SEPTIN14: variants seen among roughly 807,000 people sequenced by gnomAD.
SEPTIN14 encodes septin 14.
Under a neutral mutation model 53.6 loss-of-function variants are expected in SEPTIN14, and 40 were observed. The ratio of observed to expected loss-of-function variants is 0.75; its 90% CI spans 0.58 to 0.97. The LOEUF (loss-of-function observed/expected upper bound fraction) is 0.97, where lower values mean the gene tolerates loss of function less well. Ranked by LOEUF, SEPTIN14 falls within the 50% of genes least tolerant of loss-of-function variation. The pLI is 0.00. For missense variants in SEPTIN14, 471 were observed against 508.2 expected, an observed-to-expected ratio of 0.93 and a Z score of 0.70; for synonymous variants, 138 against 166.8, an observed-to-expected ratio of 0.83 and a Z score of 1.33.
At chr7:55,858,660 C>T (rs1465885539) in intron 2 of SEPTIN14, among the ~76,000 whole-genome samples, 1 of 152,130 alleles carries the variant, frequency 6.6e-6, no homozygotes, top group African/African-American at 2.4e-5. Context: ...CAAAATTAGT[C>T]GGGCGTGGTG....
At chr7:55,830,340 TA>T (rs1238044880) in intron 6 of SEPTIN14, among the ~76,000 whole-genome samples, 520 of 37,592 alleles carry the variant, frequency 0.014, 14 homozygotes, top group East Asian at 0.027. Flanking sequence ...TATATATATA[TA>T]TATATATATT....
intron 2 of SEPTIN14, among the ~76,000 whole-genome samples, chr7:55,848,318 T>C (rs963405577): frequency 6.6e-6 from 1 of 152,020 alleles, no homozygotes; most frequent in Non-Finnish European, 1.5e-5. Flanking sequence ...TGCGCCACCA[T>C]GCCCAGCCAA....
At chr7:55,820,665 C>T (rs1353517933) in intron 6 of SEPTIN14, among the ~76,000 whole-genome samples, 2 of 152,124 alleles carry the variant, frequency 1.3e-5, no homozygotes, top group Non-Finnish European at 2.9e-5. Flanking sequence ...TTCGGCTGGG[C>T]ATGGTGGCTC....
intron 2 of SEPTIN14, among the ~76,000 whole-genome samples, chr7:55,857,810 A>T (rs1167380778): frequency 1.1e-4 from 16 of 150,594 alleles, no homozygotes; most frequent in Non-Finnish European, 2.2e-4. Context: ...GATGGTCTCG[A>T]TCTCCTGACC....
chr7:55,862,725 G>C lies in SEPTIN14; in HGVS notation c.-53C>G, dbSNP rs545364815. ...TCAGCTGTGCAGCAGACACAGGTCC[G>C]AACTGATTCCAAGCTGGTGTCCTTT... On this transcript the variant is annotated 5_prime_UTR_variant, in exon 1 of 10. Transcript: ENST00000388975. 1 of 152,158 alleles carries C rather than the reference G, an allele frequency of 6.6e-6. No individual in the cohort carries two copies. Among genetic ancestry groups the C allele is most frequent in the African/African-American group, 2.4e-5 (1 of 41,434 alleles). 9.4% of individuals were successfully genotyped at this position (152,158 alleles called of 1,614,324 possible).
chr7:55,826,171 TG>T, intron 6 of SEPTIN14, among the ~76,000 whole-genome samples: 1 of 152,208 alleles, frequency 6.6e-6, no homozygotes, highest in African/African-American at 2.4e-5. Context: ...CTTTGCTTTT[TG>T]GGGGGTGAGA....
chr7:55,806,987 G>A, intron 8 of SEPTIN14, 103 bp downstream of exon 8: 1 of 833,474 alleles, frequency 1.2e-6, no homozygotes, highest in Non-Finnish European at 1.8e-6. Context: ...GATGGCTCAA[G>A]ATGGGAGAAG....
intron 2 of SEPTIN14, chr7:55,851,015 T>A (rs138306879): frequency 2.0e-5 from 3 of 152,044 alleles, no homozygotes; most frequent in African/African-American, 7.2e-5. Flanking sequence ...AGGCAGAAGT[T>A]GCAGTAAGCC....
At position 55,796,108 on chromosome 7, in the gene SEPTIN14, G is replaced by A. The variant is rs759800195; in HGVS notation, c.1120-16C>T. 8.2e-6 allele frequency: 12 copies of A among 1,464,856 alleles called. No homozygotes were observed. The South Asian group carries it at 1.4e-4, about 17-fold the overall frequency. The allele number at this position is 1,464,856 out of a possible 1,614,324, so 90.7% of individuals were successfully genotyped here. On this transcript the variant is annotated splice_polypyrimidine_tract_variant and intron_variant, in intron 9 of 9. Coordinates refer to ENST00000388975, the MANE Select transcript of SEPTIN14 (RefSeq NM_207366.3). Reference sequence around the variant, plus strand: ...TGTCCTGCAGCTGTGAAACCAATGTGCAGTTGTGACACCAAAGCACAGTGT... The same window carrying A: ...TGTCCTGCAGCTGTGAAACCAATGTACAGTTGTGACACCAAAGCACAGTGT...
chr7:55,854,964 TA>T (rs1789588617), intron 2 of SEPTIN14, among the ~76,000 whole-genome samples: 1 of 151,356 alleles, frequency 6.6e-6, no homozygotes, highest in African/African-American at 2.4e-5. Context: ...ACATCACTAC[TA>T]ATACTATAGG....
chr7:55,799,120 G>A lies in SEPTIN14; in HGVS notation c.1120-3028C>T, dbSNP rs188187889. On this transcript the variant is annotated intron_variant, in intron 9 of 9. Coordinates refer to ENST00000388975, the MANE Select transcript of SEPTIN14 (RefSeq NM_207366.3). ...CCCACTAATCACAAGACACAAAGTA[G>A]CAGAATGAATAAAGAAACAATTCTC... Among the ~76,000 whole-genome samples the A allele has an allele frequency of 9.7e-4, 147 of 152,188 alleles. 1 individual carries two copies. Among genetic ancestry groups the A allele is most frequent in the African/African-American group, 3.3e-3 (138 of 41,528 alleles).
chr7:55,849,398 T>G (rs1222406495), intron 2 of SEPTIN14, among the ~76,000 whole-genome samples: 1 of 151,394 alleles, frequency 6.6e-6, no homozygotes, highest in Non-Finnish European at 1.5e-5. Flanking sequence ...AAGCAAAAAT[T>G]TGCTGCTTTG....
At chr7:55,855,506 G>A (rs886693873) in intron 2 of SEPTIN14, among the ~76,000 whole-genome samples, 8 of 152,124 alleles carry the variant, frequency 5.3e-5, no homozygotes, top group African/African-American at 1.9e-4. Flanking sequence ...TGCCTGACAA[G>A]TAAAAAGTAT....
chr7:55,809,073 C>G (rs1788653158), intron 7 of SEPTIN14, among the ~76,000 whole-genome samples: 1 of 152,056 alleles, frequency 6.6e-6, no homozygotes, highest in South Asian at 2.1e-4. Context: ...TGGAATACTA[C>G]ACAGCCATAA....
chr7:55,798,112 G>T, intron 9 of SEPTIN14: 1 of 189,754 alleles, frequency 5.3e-6, no homozygotes, highest in Non-Finnish European at 1.1e-5. Context: ...GTAGAGGAAC[G>T]TGGAACCTCG....
At chr7:55,811,440 T>C (rs1562707758) in intron 7 of SEPTIN14, 5 of 384,930 alleles carry the variant, frequency 1.3e-5, no homozygotes, top group Non-Finnish European at 2.1e-5. Flanking sequence ...CAGGGAGCGA[T>C]GGAGATGGGG....
intron 6 of SEPTIN14, among the ~76,000 whole-genome samples, chr7:55,823,274 T>G (rs1231929446): frequency 1.3e-5 from 2 of 152,170 alleles, no homozygotes; most frequent in Non-Finnish European, 2.9e-5. Flanking sequence ...TGCCTTTGTT[T>G]TAACCTTTTT....
intron 7 of SEPTIN14, among the ~76,000 whole-genome samples, chr7:55,814,224 A>G (rs1605029): frequency 0.33 from 50,586 of 151,618 alleles, 11,172 homozygotes; most frequent in African/African-American, 0.63. Context: ...ACCTTCTCAA[A>G]TAGAATAGGC....
chr7:55,818,346 C>T (rs1453746294), intron 7 of SEPTIN14, among the ~76,000 whole-genome samples: 1 of 151,768 alleles, frequency 6.6e-6, no homozygotes, highest in Non-Finnish European at 1.5e-5. Flanking sequence ...GCGGCAAGCG[C>T]ATGTAATCCC....
Sources: allele counts gnomAD v4.1 joint callset (sites outside exome capture counted in the v4.1 genomes callset), GRCh38; gene constraint gnomAD v4.1.1; transcripts MANE v1.5; gene names NCBI Gene and HGNC (gene_info 2026-07-23, HGNC 2026-07-21).